Variants in FNBP1 observed in about 807,000 individuals in gnomAD.
The protein encoded by FNBP1 is formin-binding protein 1.
In FNBP1, 26 loss-of-function variants were observed where a neutral mutation model predicts 90.6. The observed-to-expected ratio is 0.29, with a 90% CI of 0.21 to 0.40. FNBP1 has a LOEUF of 0.40. Ranked by LOEUF, FNBP1 falls within the 10% of genes least tolerant of loss-of-function variation. The pLI is 1.00. For synonymous variants in FNBP1, 260 were observed against 265.2 expected (o/e 0.98, Z 0.19); for missense variants, 635 against 768.0 (o/e 0.83, Z 2.05).
intron 1 of FNBP1, among the ~76,000 whole-genome samples, chr9:130,007,811 T>G (rs911737165): frequency 6.6e-6 from 1 of 150,622 alleles, no homozygotes; most frequent in African/African-American, 2.4e-5. Flanking sequence ...AGGTCAGGAG[T>G]TCAAGACCAG....
chr9:129,992,940 A>G (rs2053425715), intron 2 of FNBP1, among the ~76,000 whole-genome samples: 1 of 150,382 alleles, frequency 6.6e-6, no homozygotes, highest in South Asian at 2.1e-4. Context: ...AAAAAAAGAA[A>G]AAAGGGCTGG....
chr9:129,955,374 C>T (rs1564423495), intron 6 of FNBP1, among the ~76,000 whole-genome samples: 2 of 151,808 alleles, frequency 1.3e-5, no homozygotes, highest in Non-Finnish European at 2.9e-5. Context: ...GCTGGGACCA[C>T]AGACATGGGC....
At chr9:130,029,355 C>A (rs1189694752) in intron 1 of FNBP1, among the ~76,000 whole-genome samples, 1 of 152,096 alleles carries the variant, frequency 6.6e-6, no homozygotes, top group Non-Finnish European at 1.5e-5. Context: ...CTCAACCGAT[C>A]CGCCCATCTT....
chr9:129,928,656 A>T (rs1369147705), intron 7 of FNBP1, among the ~76,000 whole-genome samples: 1 of 150,688 alleles, frequency 6.6e-6, no homozygotes, highest in Non-Finnish European at 1.5e-5. Flanking sequence ...GCAAGACTCC[A>T]TCTCAAAAAA....
intron 1 of FNBP1, among the ~76,000 whole-genome samples, chr9:130,036,953 G>A (rs1428257520): frequency 1.3e-5 from 2 of 151,512 alleles, no homozygotes; most frequent in African/African-American, 4.9e-5. Flanking sequence ...GCTGAGGCGG[G>A]AGAATGGTGT....
At chr9:129,923,290 A>G (rs1017748365) in intron 10 of FNBP1, among the ~76,000 whole-genome samples, 2 of 152,010 alleles carry the variant, frequency 1.3e-5, no homozygotes, top group Non-Finnish European at 2.9e-5. Flanking sequence ...CTAGAAACGA[A>G]AAGAAAAAGG....
chr9:130,017,915 C>CTT (rs1233394287), intron 1 of FNBP1, among the ~76,000 whole-genome samples: 20 of 51,564 alleles, frequency 3.9e-4, no homozygotes, highest in Admixed American at 5.4e-4. Flanking sequence ...CAACACTCTT[C>CTT]TTTTTTTTTT....
At chr9:130,022,583 A>T (rs993078591) in intron 1 of FNBP1, among the ~76,000 whole-genome samples, 2 of 152,230 alleles carry the variant, frequency 1.3e-5, no homozygotes, top group Non-Finnish European at 2.9e-5. Flanking sequence ...AAAATGAGTT[A>T]CAAAGCTTTG....
chr9:129,997,349 TAAAAC>T (rs1015480536), intron 1 of FNBP1, among the ~76,000 whole-genome samples: 4 of 152,110 alleles, frequency 2.6e-5, no homozygotes, highest in Admixed American at 6.6e-5. Flanking sequence ...TACAAAATTA[TAAAAC>T]AAAAGTGCAA....
intron 2 of FNBP1, among the ~76,000 whole-genome samples, chr9:129,990,680 G>T (rs1401250884): frequency 6.6e-6 from 1 of 152,180 alleles, no homozygotes; most frequent in African/African-American, 2.4e-5. Flanking sequence ...TAATCTGGCT[G>T]CTCTGTAGAA....
intron 15 of FNBP1, 151 bp downstream of exon 15, chr9:129,899,814 G>A (rs1474591063): frequency 5.2e-6 from 3 of 574,492 alleles, no homozygotes; most frequent in Admixed American, 3.4e-5. Context: ...GGAAGGGGAA[G>A]GGGAAGGGGA....
At position 129,957,487 on chromosome 9, in the gene FNBP1, A is replaced by G. The variant is rs2132797702; in HGVS notation, c.409-23T>C. The G allele has an allele frequency of 6.5e-7, 1 of 1,527,880 alleles. No homozygotes were observed. The highest frequency in any genetic ancestry group is 1.7e-5 in the Admixed American group (1 of 59,086). The allele number at this position is 1,527,880 out of a possible 1,614,324, so 94.6% of individuals were successfully genotyped here. On this transcript the variant is annotated intron_variant, in intron 5 of 16. Transcript: ENST00000446176. This position sits in a 1 kb window ranked among gnomAD's most constrained non-coding sequence, Gnocchi z 4.3. ...ACTCTAAAATCAGAGGAAAATAATT[A>G]TGAAACCATAAGAGTCCTACGAGAA...
chr9:129,911,990 G>T (rs2039384042), intron 11 of FNBP1, among the ~76,000 whole-genome samples: 1 of 150,810 alleles, frequency 6.6e-6, no homozygotes, highest in Non-Finnish European at 1.5e-5. Flanking sequence ...CCTGAGTTCT[G>T]TGAGCTGCTC....
At chr9:129,935,754 T>C (rs1230836921) in intron 6 of FNBP1, among the ~76,000 whole-genome samples, 3 of 152,174 alleles carry the variant, frequency 2.0e-5, no homozygotes, top group Non-Finnish European at 2.9e-5. Context: ...CCCAAAGTGC[T>C]GGGATTATAG....
At chr9:130,013,476 C>T (rs1347797387) in intron 1 of FNBP1, among the ~76,000 whole-genome samples, 3 of 152,042 alleles carry the variant, frequency 2.0e-5, no homozygotes, top group African/African-American at 4.8e-5. Flanking sequence ...TAAACAAGGA[C>T]GTGGTGTAAT....
intron 10 of FNBP1, among the ~76,000 whole-genome samples, chr9:129,921,244 A>T (rs2041033781): frequency 6.6e-6 from 1 of 152,098 alleles, no homozygotes; most frequent in Non-Finnish European, 1.5e-5. Context: ...TAAACTTGTT[A>T]TCAATTATGA....
intron 16 of FNBP1, among the ~76,000 whole-genome samples, chr9:129,892,543 TATAAAC>T (rs1449439832): frequency 1.3e-5 from 2 of 152,176 alleles, no homozygotes; most frequent in Non-Finnish European, 2.9e-5. Context: ...TGGACAGAGT[TATAAAC>T]AGAGTAGGCA....
At chr9:129,908,145 C>T (rs2038502946) in intron 12 of FNBP1, among the ~76,000 whole-genome samples, 1 of 150,790 alleles carries the variant, frequency 6.6e-6, no homozygotes, top group African/African-American at 2.4e-5. Flanking sequence ...CACCCAGCTA[C>T]TTTTGTTTAT....
intron 1 of FNBP1, 32 bp from the exon 2 acceptor site, chr9:129,994,990 T>C: frequency 2.0e-6 from 2 of 979,460 alleles, no homozygotes; most frequent in Non-Finnish European, 3.3e-6. Context: ...GAAGTTATGG[T>C]CTTTCCCTGT....
Sources: allele counts gnomAD v4.1 joint callset (sites outside exome capture counted in the v4.1 genomes callset), GRCh38; gene constraint gnomAD v4.1.1; non-coding constraint Gnocchi (gnomAD v3.1); transcripts MANE v1.5; gene names NCBI Gene and HGNC (gene_info 2026-07-23, HGNC 2026-07-21).